PTPRN2: variants seen among roughly 807,000 people sequenced by gnomAD.
PTPRN2 encodes the protein protein tyrosine phosphatase receptor type N2.
Under a neutral mutation model 118.8 loss-of-function variants are expected in PTPRN2, and 74 were observed. The observed-to-expected ratio is 0.62, with a 90% CI of 0.52 to 0.76. The LOEUF (loss-of-function observed/expected upper bound fraction) is 0.76. PTPRN2 is among the 30% of genes least tolerant of loss of function. The probability of loss-of-function intolerance (pLI) is 0.00; values close to 1 mark genes in which losing one functional copy is unlikely to be tolerated. For synonymous variants in PTPRN2, 641 were observed against 608.0 expected, an observed-to-expected ratio of 1.05 and a Z score of -0.80; for missense variants, 1,481 against 1,394.4, an observed-to-expected ratio of 1.06 and a Z score of -0.99.
chr7:157,807,425 G>A (rs1198723054), intron 12 of PTPRN2, among the ~76,000 whole-genome samples: 1 of 152,220 alleles, frequency 6.6e-6, no homozygotes, highest in Non-Finnish European at 1.5e-5. Flanking sequence ...CCCTTGTCAT[G>A]CTGTGGCCAA....
intron 12 of PTPRN2, among the ~76,000 whole-genome samples, chr7:157,703,983 G>A (rs147993304): frequency 3.9e-5 from 6 of 152,284 alleles, no homozygotes; most frequent in African/African-American, 1.4e-4. Context: ...CAAAGCTGAC[G>A]GCCTCTGTTT....
intron 1 of PTPRN2, among the ~76,000 whole-genome samples, chr7:158,511,238 G>A (rs1037051482): frequency 3.9e-5 from 6 of 152,124 alleles, no homozygotes; most frequent in Admixed American, 6.5e-5. Context: ...AGCTGGATGC[G>A]CTGGTGTGGT....
rs556546951 is a variant in PTPRN2 at position 158,080,314 on chromosome 7, CAAAAAAAAAAAA to C, written c.1723+972_1723+983del. 5.5e-4 allele frequency among the ~76,000 whole-genome samples: 40 copies of C among 72,190 alleles called. 1 individual carries two copies. Among genetic ancestry groups the C allele is most frequent in the Admixed American group, 5.1e-3 (28 of 5,534 alleles). 47.4% of individuals were successfully genotyped at this position (72,190 alleles called of 152,430 possible). A position where few individuals can be genotyped will look rare whatever the true frequency, so the allele number is the denominator to read the frequency against. ...TGGGAAAAAAAGACACAAATTTAAGCAAAAAAAAAAAAAAAAAAAAAAAAAAACAAGTTCATA... is the reference window on the plus strand; with the variant it reads ...TGGGAAAAAAAGACACAAATTTAAGCAAAAAAAAAAAAAAACAAGTTCATA... On this transcript the variant is annotated intron_variant, in intron 11 of 22. Transcript: ENST00000389418.
intron 2 of PTPRN2, among the ~76,000 whole-genome samples, chr7:158,359,449 CG>C (rs918699929): frequency 2.0e-5 from 3 of 152,102 alleles, no homozygotes; most frequent in Non-Finnish European, 4.4e-5. Flanking sequence ...CTCGGCCAGC[CG>C]GGGGGACCCA....
chr7:157,710,251 G>T (rs756893361), intron 12 of PTPRN2, among the ~76,000 whole-genome samples: 2 of 152,194 alleles, frequency 1.3e-5, no homozygotes, highest in African/African-American at 4.8e-5. Flanking sequence ...CCAGAATAAA[G>T]AGAATCCTCA....
chr7:158,469,760 A>C (rs776019606), intron 2 of PTPRN2, among the ~76,000 whole-genome samples: 3 of 151,010 alleles, frequency 2.0e-5, no homozygotes, highest in Non-Finnish European at 4.4e-5. Context: ...AAAAATGCAA[A>C]GAATTGGGAG....
intron 13 of PTPRN2, among the ~76,000 whole-genome samples, chr7:157,681,582 T>C (rs1285083285): frequency 6.6e-6 from 1 of 152,240 alleles, no homozygotes; most frequent in African/African-American, 2.4e-5. Flanking sequence ...GAGGAAAAGC[T>C]GTCTTGTGGT....
intron 11 of PTPRN2, among the ~76,000 whole-genome samples, chr7:158,075,652 A>C (rs889676276): frequency 5.3e-5 from 8 of 152,182 alleles, no homozygotes; most frequent in Admixed American, 1.3e-4. Flanking sequence ...GTTACTCCTC[A>C]TCGTCTGTGT....
intron 2 of PTPRN2, among the ~76,000 whole-genome samples, chr7:158,327,408 C>T (rs1037732214): frequency 2.6e-5 from 4 of 151,990 alleles, no homozygotes; most frequent in African/African-American, 4.8e-5. Flanking sequence ...CACACATGCT[C>T]ACACATGTAC....
At chr7:158,365,380 C>G (rs1318960114) in intron 2 of PTPRN2, among the ~76,000 whole-genome samples, 1 of 152,194 alleles carries the variant, frequency 6.6e-6, no homozygotes, top group Non-Finnish European at 1.5e-5. Flanking sequence ...TCTGTCTTCC[C>G]TTCCTCACCC....
intron 2 of PTPRN2, among the ~76,000 whole-genome samples, chr7:158,441,545 T>C (rs1267206383): frequency 6.7e-6 from 1 of 149,718 alleles, no homozygotes; most frequent in Non-Finnish European, 1.5e-5. Context: ...ATAGTGATGG[T>C]GATGGCAGTG....
At chr7:157,569,057 T>C in intron 20 of PTPRN2, 91 bp from the exon 21 acceptor site, 2 of 1,234,714 alleles carry the variant, frequency 1.6e-6, no homozygotes, top group South Asian at 1.2e-5. Flanking sequence ...TCCTTCCTGC[T>C]TACGGGGGCC....
intron 2 of PTPRN2, among the ~76,000 whole-genome samples, chr7:158,347,734 G>A (rs1413397198): frequency 6.6e-6 from 1 of 152,120 alleles, no homozygotes; most frequent in Admixed American, 6.5e-5. Flanking sequence ...TTCAATCAAT[G>A]AACATGGGAT....
At chr7:157,711,930 CAT>C (rs1445546123) in intron 12 of PTPRN2, among the ~76,000 whole-genome samples, 1 of 119,110 alleles carries the variant, frequency 8.4e-6, no homozygotes. Context: ...ATGCAGGCCA[CAT>C]GAGTGGGGGG....
intron 12 of PTPRN2, among the ~76,000 whole-genome samples, chr7:157,835,489 C>A (rs949465425): frequency 6.6e-6 from 1 of 152,074 alleles, no homozygotes; most frequent in African/African-American, 2.4e-5. Context: ...ACAAAAGATG[C>A]TAAAAGAGGG....
chr7:158,269,341 C>A (rs1798138813), intron 3 of PTPRN2, among the ~76,000 whole-genome samples: 1 of 152,208 alleles, frequency 6.6e-6, no homozygotes, highest in Non-Finnish European at 1.5e-5. Flanking sequence ...CAAACACCAG[C>A]CTCAGGAGGC....
intron 12 of PTPRN2, among the ~76,000 whole-genome samples, chr7:157,757,437 G>A (rs962932515): frequency 6.6e-6 from 1 of 152,138 alleles, no homozygotes; most frequent in African/African-American, 2.4e-5. Flanking sequence ...TGGAGCTCTC[G>A]GCGGCCGGTG....
intron 6 of PTPRN2, among the ~76,000 whole-genome samples, chr7:158,161,654 G>A (rs966474733): frequency 1.3e-5 from 2 of 152,160 alleles, no homozygotes; most frequent in Non-Finnish European, 2.9e-5. Context: ...GAGAAACTCT[G>A]GATGACCTTG....
chr7:157,682,851 G>A lies in PTPRN2; in HGVS notation c.1875C>T (p.Cys625=). The A allele has an allele frequency of 6.2e-7, 1 of 1,613,916 alleles. No individual in the cohort carries two copies. The highest frequency in any genetic ancestry group is 8.5e-7 in the Non-Finnish European group (1 of 1,179,868). Residue 625 remains cysteine, a synonymous_variant, in exon 13 of 23, where the codon TGC becomes TGT. Transcript: ENST00000389418. ...CAGAGGCCAGGAGGACGCCCAGGAT[G>A]CAGGCGAGGGAGACCAGGGTGAGCG... ...FIALTLVSLA[C]ILGVLLASGL... is the part of the protein sequence containing the mutation.
Sources: gnomAD v4.1 joint callset for allele counts (sites outside exome capture counted in the v4.1 genomes callset) on GRCh38, gnomAD v4.1.1 for gene constraint, MANE v1.5 for transcripts, NCBI Gene and HGNC (gene_info 2026-07-23, HGNC 2026-07-21) for gene names.